The following PCDH17 variants were observed in gnomAD, a reference collection of about 807,000 sequenced individuals.
The protein encoded by PCDH17 is protocadherin 17.
Under a neutral mutation model 67.7 loss-of-function variants are expected in PCDH17, and 21 were observed. The observed-to-expected ratio is 0.31, with a 90% CI of 0.22 to 0.45. The LOEUF is 0.45. PCDH17 is among the 20% of genes least tolerant of loss of function. The pLI is 1.00. For synonymous variants in PCDH17, 701 were observed against 656.7 expected, an observed-to-expected ratio of 1.07 and a Z score of -1.03; for missense variants, 1,471 against 1,564.8, an observed-to-expected ratio of 0.94 and a Z score of 1.01.
rs756962330 is a variant in PCDH17 at position 57,634,075 on chromosome 13, C to G, written c.1529C>G (p.Ser510Cys). ...DLGQNGTVSY[S>C]ILPSHIGDVS... The stretch of plus-strand genomic sequence containing the variant: ...GGCCAGAACGGCACCGTATCCTACT[C>G]TATCCTGCCCTCGCACATCGGCGAC... The change falls in exon 1 of 4, where the codon TCT (serine) becomes TGT (cysteine). Residue 510 changes from serine to cysteine, a missense_variant. Ser to Cys is a moderately radical substitution (Grantham distance 112). Around this residue, in one of 3 missense-constraint regions of PCDH17, gnomAD observed 1,163 missense variants for 1,230.0 expected, o/e 0.95. Coordinates refer to ENST00000377918, the MANE Select transcript of PCDH17 (RefSeq NM_001040429.3). This position sits in a 1 kb window ranked among gnomAD's most constrained non-coding sequence, Gnocchi z 7.8. 1 of 1,613,506 alleles carries G rather than the reference C, an allele frequency of 6.2e-7. No homozygotes were observed. Among genetic ancestry groups the G allele is most frequent in the Admixed American group, 1.7e-5 (1 of 60,030 alleles).
chr13:57,633,996 A>G lies in PCDH17; in HGVS notation c.1450A>G (p.Asn484Asp), dbSNP rs1233883717. 6.2e-7 allele frequency: 1 copy of G among 1,613,580 alleles called. No individual in the cohort carries two copies. The highest frequency in any genetic ancestry group is 8.5e-7 in the Non-Finnish European group (1 of 1,180,018). The change falls in exon 1 of 4, where the codon AAC (asparagine) becomes GAC (aspartate). Residue 484 changes from asparagine to aspartate, a missense_variant. This residue lies in a region of PCDH17 where 1,163 missense variants were observed against 1,230.0 expected (regional missense o/e 0.95). Transcript: ENST00000377918. The surrounding 1 kb of genome is among the most constrained non-coding windows in gnomAD (Gnocchi z 6.2). Reference protein sequence around the residue: ...KGLYVLQVHENNIPGEYLGSV... With the variant: ...KGLYVLQVHEDNIPGEYLGSV... The stretch of plus-strand genomic sequence containing the variant: ...GCTCTACGTGCTTCAGGTGCACGAG[A>G]ACAACATCCCGGGAGAGTACCTGGG...
chr13:57,666,947 A>C (rs1016599841), intron 3 of PCDH17, 114 bp downstream of exon 3: 1 of 760,686 alleles, frequency 1.3e-6, no homozygotes, highest in Non-Finnish European at 1.9e-6. Context: ...TAATATATCA[A>C]AGAAACAGCA....
At chr13:57,641,526 A>G (rs1188050123) in intron 1 of PCDH17, among the ~76,000 whole-genome samples, 1 of 134,080 alleles carries the variant, frequency 7.5e-6, no homozygotes, top group Non-Finnish European at 1.6e-5. Context: ...CCGGGGATAG[A>G]CTATAAAATT....
intron 1 of PCDH17, among the ~76,000 whole-genome samples, chr13:57,635,349 AT>A (rs1325600832): frequency 6.6e-6 from 1 of 152,212 alleles, no homozygotes; most frequent in Non-Finnish European, 1.5e-5. Flanking sequence ...TTTAAAATTT[AT>A]TTTTATAGGT....
intron 3 of PCDH17, among the ~76,000 whole-genome samples, chr13:57,712,651 C>CA (rs575432186): frequency 7.3e-5 from 11 of 150,730 alleles, no homozygotes; most frequent in Non-Finnish European, 1.2e-4. Context: ...TTGGTAGCAA[C>CA]AAAAAAATCA....
chr13:57,657,183 T>C (rs1955116496), intron 1 of PCDH17, among the ~76,000 whole-genome samples: 1 of 152,144 alleles, frequency 6.6e-6, no homozygotes, highest in South Asian at 2.1e-4. Flanking sequence ...CAGATTACTT[T>C]AAGAAAAAAA....
At chr13:57,716,876 G>T (rs1423708614) in intron 3 of PCDH17, among the ~76,000 whole-genome samples, 2 of 151,818 alleles carry the variant, frequency 1.3e-5, no homozygotes, top group Admixed American at 6.6e-5. Flanking sequence ...CAAGGTGTGG[G>T]GAGGTGTGTA....
In PCDH17 at chr13:57,718,545, C is replaced by T. The variant is rs1240568468; in HGVS notation, c.2798-6067C>T. ...TACCATTTATATGGAATGACTCACT[C>T]TATTATTATAACAAGTGTAAAGTTT... On this transcript the variant is annotated intron_variant, in intron 3 of 3. Coordinates refer to ENST00000377918, the MANE Select transcript of PCDH17 (RefSeq NM_001040429.3). Among the ~76,000 whole-genome samples the T allele has an allele frequency of 7.2e-5, 11 of 151,812 alleles. No individual in the cohort carries two copies. The East Asian group carries it at 1.9e-3, about 27-fold the overall frequency.
At chr13:57,669,485 CTT>C (rs1480076109) in intron 3 of PCDH17, among the ~76,000 whole-genome samples, 7 of 151,532 alleles carry the variant, frequency 4.6e-5, no homozygotes, top group Non-Finnish European at 8.8e-5. Context: ...CTTTATCTAT[CTT>C]TTTTGTCTAT....
chr13:57,711,908 A>C (rs183213366), intron 3 of PCDH17, among the ~76,000 whole-genome samples: 1 of 151,586 alleles, frequency 6.6e-6, no homozygotes. Context: ...TAAATTATTA[A>C]TCTAACAATA....
chr13:57,711,741 T>C (rs570999291), intron 3 of PCDH17, among the ~76,000 whole-genome samples: 73 of 151,420 alleles, frequency 4.8e-4, no homozygotes, highest in Non-Finnish European at 9.7e-4. Flanking sequence ...TACTATAACA[T>C]AATCATTTTG....
In PCDH17 at chr13:57,727,112, G is replaced by A. The variant is rs1955921335; in HGVS notation, c.*1818G>A. 6.6e-6 allele frequency: 1 copy of A among 152,548 alleles called. No homozygotes were observed. The highest frequency in any genetic ancestry group is 6.6e-5 in the Admixed American group (1 of 15,266). The allele number at this position is 152,548 out of a possible 1,614,324, so 9.4% of individuals were successfully genotyped here. On this transcript the variant is annotated 3_prime_UTR_variant, in exon 4 of 4. Transcript: ENST00000377918. ...TCAGGAATTGGGAAAAATAAAATTAGCACTTGCAGAAGTAGCAGCAGATGG... is the reference window on the plus strand; with the variant it reads ...TCAGGAATTGGGAAAAATAAAATTAACACTTGCAGAAGTAGCAGCAGATGG...
intron 1 of PCDH17, among the ~76,000 whole-genome samples, chr13:57,661,331 T>G (rs1955180633): frequency 6.6e-6 from 1 of 152,104 alleles, no homozygotes; most frequent in Non-Finnish European, 1.5e-5. Flanking sequence ...TTTCAAGTGT[T>G]TGTTTGTTTG....
At chr13:57,686,870 A>G (rs1470368501) in intron 3 of PCDH17, among the ~76,000 whole-genome samples, 1 of 152,030 alleles carries the variant, frequency 6.6e-6, no homozygotes, top group Non-Finnish European at 1.5e-5. Flanking sequence ...TCAAGAAGGG[A>G]TGCTTACAAT....
chr13:57,681,415 A>G (rs929777007), intron 3 of PCDH17, among the ~76,000 whole-genome samples: 2 of 151,804 alleles, frequency 1.3e-5, no homozygotes, highest in Non-Finnish European at 2.9e-5. Context: ...ATTATTTATT[A>G]GTATTATTCT....
In PCDH17 at chr13:57,632,755, C is replaced by G; in HGVS notation, c.209C>G (p.Ser70Cys). The change falls in exon 1 of 4, where the codon TCC (serine) becomes TGC (cysteine). Residue 70 changes from serine (S) to cysteine (C), a missense_variant. Ser to Cys is a moderately radical substitution (Grantham distance 112, BLOSUM62 -1). Around this residue, in one of 3 missense-constraint regions of PCDH17, gnomAD observed 1,163 missense variants for 1,230.0 expected, o/e 0.95. Transcript: ENST00000377918. Reference sequence around the variant, plus strand: ...GGTAGCTACCGGGTGCTGGAGAACTCCGCACCGCACCTGCTGGACGTGGAC... The same window carrying G: ...GGTAGCTACCGGGTGCTGGAGAACTGCGCACCGCACCTGCTGGACGTGGAC... ...KSGSYRVLEN[S>C]APHLLDVDAD... 1 of 1,612,674 alleles carries G rather than the reference C, an allele frequency of 6.2e-7. No individual in the cohort carries two copies. The highest frequency in any genetic ancestry group is 8.5e-7 in the Non-Finnish European group (1 of 1,179,960).
At chr13:57,645,821 A>C (rs752285323) in intron 1 of PCDH17, among the ~76,000 whole-genome samples, 42 of 151,280 alleles carry the variant, frequency 2.8e-4, no homozygotes, top group Non-Finnish European at 5.9e-4. Flanking sequence ...TATTAGAGTG[A>C]TGCACTTCTG....
rs766121530 is a variant in PCDH17, at chr13:57,634,740, C to T, written c.2194C>T (p.Arg732Cys). ...GATCACCATCGCCGTCAAGTGCAAG[C>T]GCGAGAACAAGGAGATCCGCACTTA... is the stretch of plus-strand genomic sequence containing the variant. ...AMITIAVKCKRENKEIRTYNC... is the reference protein window; with the variant it reads ...AMITIAVKCKCENKEIRTYNC... The change falls in exon 1 of 4, where the codon CGC (arginine) becomes TGC (cysteine). Residue 732 changes from arginine to cysteine, a missense_variant. Around this residue, in one of 3 missense-constraint regions of PCDH17, gnomAD observed 1,163 missense variants for 1,230.0 expected, o/e 0.95. Coordinates refer to ENST00000377918, the MANE Select transcript of PCDH17 (RefSeq NM_001040429.3). The surrounding 1 kb of genome is among the most constrained non-coding windows in gnomAD (Gnocchi z 7.8). 3 of 1,613,952 alleles carry T rather than the reference C, an allele frequency of 1.9e-6. No homozygotes were observed. Among genetic ancestry groups the T allele is most frequent in the Non-Finnish European group, 1.7e-6 (2 of 1,180,016 alleles).
At chr13:57,721,299 A>C (rs1027545633) in intron 3 of PCDH17, among the ~76,000 whole-genome samples, 1 of 152,140 alleles carries the variant, frequency 6.6e-6, no homozygotes, top group Non-Finnish European at 1.5e-5. Context: ...GAACCTGAAG[A>C]AAAAAGTGAA....
Sources: gnomAD v4.1 joint callset for allele counts (sites outside exome capture counted in the v4.1 genomes callset) on GRCh38, gnomAD v4.1.1 for gene constraint, gnomAD v4.1.1 regional missense constraint, Gnocchi (gnomAD v3.1) non-coding constraint, MANE v1.5 for transcripts, NCBI Gene and HGNC (gene_info 2026-07-23, HGNC 2026-07-21) for gene names.